CDC16: variants seen among roughly 807,000 people sequenced by gnomAD.
CDC16 encodes cell division cycle protein 16 homolog.
CDC16 carries 34 observed loss-of-function variants against 87.0 expected under a neutral mutation model. The ratio of observed to expected loss-of-function variants is 0.39; its 90% confidence interval spans 0.30 to 0.52. The LOEUF is 0.52. CDC16 is among the 20% of genes least tolerant of loss of function. CDC16 has a pLI of 0.74. For missense variants in CDC16, 653 were observed against 751.9 expected (o/e 0.87, Z 1.54); for synonymous variants, 263 against 260.6 (o/e 1.01, Z -0.09).
In CDC16 at chr13:114,270,496, C is replaced by T. The variant is rs185366961; in HGVS notation, c.1604-1688C>T. 1.1e-3 allele frequency among the ~76,000 whole-genome samples: 160 copies of T among 152,236 alleles called. 1 individual carries two copies. The highest frequency in any genetic ancestry group is 3.8e-3 in the African/African-American group (156 of 41,554). The stretch of plus-strand genomic sequence containing the variant: ...CCATGTCAATTAGTAATGAACAAAA[C>T]TAATTGGTAGCGATAGAAAAGTCCA... On this transcript the variant is annotated intron_variant, in intron 17 of 17. Coordinates refer to ENST00000356221, the MANE Select transcript of CDC16 (RefSeq NM_001078645.3).
intron 11 of CDC16, among the ~76,000 whole-genome samples, chr13:114,249,563 G>A (rs2082054715): frequency 6.6e-6 from 1 of 152,136 alleles, no homozygotes; most frequent in Non-Finnish European, 1.5e-5. Context: ...CACGTTTTGT[G>A]ATATGTTCTC....
chr13:114,253,474 G>A (rs534199391), intron 12 of CDC16, among the ~76,000 whole-genome samples: 75 of 152,056 alleles, frequency 4.9e-4, no homozygotes, highest in African/African-American at 1.7e-3. Context: ...TGGATCACTT[G>A]AGGTCAGGAG....
In CDC16 at chr13:114,272,451, C is replaced by T. The variant is rs2083750879; in HGVS notation, c.*8C>T. ...TCAGACCACAGCACGTGACTCCAGT[C>T]AGTGGTCCTGGTCCCACTGTCCCAG... On this transcript the variant is annotated 3_prime_UTR_variant, in exon 18 of 18. Coordinates refer to ENST00000356221, the MANE Select transcript of CDC16 (RefSeq NM_001078645.3). 2 of 1,612,334 alleles carry T rather than the reference C, an allele frequency of 1.2e-6. No individual in the cohort carries two copies. Among genetic ancestry groups the T allele is most frequent in the Non-Finnish European group, 1.7e-6 (2 of 1,178,710 alleles).
chr13:114,238,780 G>A (rs1329021517), intron 3 of CDC16, among the ~76,000 whole-genome samples: 3 of 152,140 alleles, frequency 2.0e-5, no homozygotes, highest in Admixed American at 2.0e-4. Flanking sequence ...TAACCTCCTG[G>A]GGCAGGGCCT....
chr13:114,241,612 T>G (rs2081556967), intron 5 of CDC16, among the ~76,000 whole-genome samples: 1 of 152,246 alleles, frequency 6.6e-6, no homozygotes, highest in Non-Finnish European at 1.5e-5. Flanking sequence ...ACAGAGCAGT[T>G]GAAGCCCAGG....
chr13:114,237,954 C>T (rs1305044292), intron 3 of CDC16, among the ~76,000 whole-genome samples: 3 of 152,232 alleles, frequency 2.0e-5, no homozygotes, highest in East Asian at 1.9e-4. Flanking sequence ...AAGTCAGATG[C>T]ATCAGTAGGT....
At chr13:114,262,509 G>A (rs551168966) in intron 15 of CDC16, among the ~76,000 whole-genome samples, 2 of 152,278 alleles carry the variant, frequency 1.3e-5, no homozygotes, top group East Asian at 1.9e-4. Context: ...ACCTTAAAGC[G>A]ATACTCCTTG....
At chr13:114,242,064 A>G in intron 5 of CDC16, 57 bp from the exon 6 acceptor site, 1 of 1,545,942 alleles carries the variant, frequency 6.5e-7, no homozygotes, top group African/African-American at 1.4e-5. Context: ...AGGAGAAAAA[A>G]AAAAAGTTAA....
At chr13:114,268,618 G>A (rs79404722) in intron 17 of CDC16, among the ~76,000 whole-genome samples, 7 of 152,150 alleles carry the variant, frequency 4.6e-5, no homozygotes, top group South Asian at 4.1e-4. Context: ...TCTTTAGACC[G>A]TATTCTGCCT....
At chr13:114,247,122 T>C in intron 11 of CDC16, 118 bp downstream of exon 11, 1 of 655,556 alleles carries the variant, frequency 1.5e-6, no homozygotes, top group Non-Finnish European at 2.7e-6. Flanking sequence ...AATGTTTTTT[T>C]TTTTCTTCCT....
rs2083750768 is a variant in CDC16, at chr13:114,272,448, A to G, written c.*5A>G. 1.9e-6 allele frequency: 3 copies of G among 1,612,888 alleles called. No individual in the cohort carries two copies. The highest frequency in any genetic ancestry group is 2.5e-6 in the Non-Finnish European group (3 of 1,179,060). ...ATGTCAGACCACAGCACGTGACTCC[A>G]GTCAGTGGTCCTGGTCCCACTGTCC... On this transcript the variant is annotated 3_prime_UTR_variant, in exon 18 of 18. Transcript: ENST00000356221.
intron 3 of CDC16, among the ~76,000 whole-genome samples, chr13:114,238,109 G>C (rs1025510293): frequency 1.3e-5 from 2 of 151,988 alleles, no homozygotes; most frequent in Admixed American, 1.3e-4. Flanking sequence ...AAGTGGAGCT[G>C]CTGCGATCTC....
At chr13:114,258,830 G>C (rs1267808050) in intron 13 of CDC16, among the ~76,000 whole-genome samples, 1 of 152,092 alleles carries the variant, frequency 6.6e-6, no homozygotes. Context: ...GGGTGCGGTG[G>C]CTCCCGTCTG....
intron 10 of CDC16, 79 bp downstream of exon 10, chr13:114,246,128 A>G (rs533965749): frequency 4.7e-6 from 3 of 635,004 alleles, no homozygotes; most frequent in South Asian, 2.0e-5. Context: ...TATTTAGACA[A>G]TAGCTTAAGT....
rs897210732 is a variant in CDC16, at chr13:114,256,742, A to T, written c.1098-336A>T. On this transcript the variant is annotated intron_variant, in intron 12 of 17. Transcript: ENST00000356221. ...TAAATGGTGGTGAGTAAATAAGAGG[A>T]AGACCAGTGTCGGCTGGGGCATGAC... is the stretch of plus-strand genomic sequence containing the variant. Among the ~76,000 whole-genome samples, 4 of 152,224 alleles carry T rather than the reference A, an allele frequency of 2.6e-5. No homozygotes were observed. The South Asian group carries it at 8.3e-4, about 32-fold the overall frequency.
chr13:114,253,667 C>T (rs566207173), intron 12 of CDC16, among the ~76,000 whole-genome samples: 7 of 145,294 alleles, frequency 4.8e-5, no homozygotes, highest in Non-Finnish European at 8.9e-5. Flanking sequence ...CCAGCCTGGG[C>T]GACAGAGTGA....
At chr13:114,236,046 C>T (rs1232364938) in intron 1 of CDC16, among the ~76,000 whole-genome samples, 1 of 152,190 alleles carries the variant, frequency 6.6e-6, no homozygotes, top group Admixed American at 6.5e-5. Context: ...AGACTGAGGA[C>T]TGAGGAGCAG....
intron 3 of CDC16, among the ~76,000 whole-genome samples, chr13:114,238,511 GCGA>G: frequency 6.6e-6 from 1 of 151,340 alleles, no homozygotes; most frequent in South Asian, 2.1e-4. Context: ...TGGAGCTGCT[GCGA>G]TCTCCTCGGA....
chr13:114,264,430 C>T (rs1232711061), intron 16 of CDC16, among the ~76,000 whole-genome samples: 1 of 152,036 alleles, frequency 6.6e-6, no homozygotes, highest in African/African-American at 2.4e-5. Context: ...CCTGTAGTCC[C>T]AGCTACTAGC....
Sources: allele counts gnomAD v4.1 joint callset (sites outside exome capture counted in the v4.1 genomes callset), GRCh38; gene constraint gnomAD v4.1.1; transcripts MANE v1.5; gene names NCBI Gene and HGNC (gene_info 2026-07-23, HGNC 2026-07-21).